RNF185: variants seen among roughly 807,000 people sequenced by gnomAD.
The protein encoded by RNF185 is E3 ubiquitin-protein ligase RNF185.
A neutral mutation model predicts 24.9 loss-of-function variants in RNF185; 13 were observed. The ratio of observed to expected loss-of-function variants is 0.52; its 90% CI spans 0.34 to 0.83. The LOEUF is 0.83. Ranked by LOEUF, RNF185 falls within the 40% of genes least tolerant of loss-of-function variation. The pLI, the probability that RNF185 is intolerant of heterozygous loss-of-function variation, is 0.01. For missense variants in RNF185, 184 were observed against 244.7 expected (o/e 0.75, Z 1.65); for synonymous variants, 79 against 90.3 (o/e 0.88, Z 0.71).
intron 1 of RNF185, among the ~76,000 whole-genome samples, chr22:31,161,850 C>G (rs1225132817): frequency 6.6e-6 from 1 of 150,762 alleles, no homozygotes; most frequent in Non-Finnish European, 1.5e-5. Flanking sequence ...CTTGACTTGC[C>G]AGTTCACACA....
At chr22:31,185,760 C>T (rs200858292) in intron 1 of RNF185, among the ~76,000 whole-genome samples, 1 of 152,288 alleles carries the variant, frequency 6.6e-6, no homozygotes, top group Admixed American at 6.5e-5. Flanking sequence ...TCCAGAATTC[C>T]TGGGTATCCC....
intron 1 of RNF185, among the ~76,000 whole-genome samples, chr22:31,167,867 C>T (rs1924028723): frequency 6.6e-6 from 1 of 152,148 alleles, no homozygotes; most frequent in South Asian, 2.1e-4. Flanking sequence ...CCTGCCTTGG[C>T]TTCCCAGAGT....
chr22:31,168,560 C>G (rs1924080328), intron 1 of RNF185, among the ~76,000 whole-genome samples: 1 of 152,128 alleles, frequency 6.6e-6, no homozygotes, highest in Admixed American at 6.5e-5. Context: ...ACCTTGCTTT[C>G]AATTATTTGG....
chr22:31,186,201 CAGA>C (rs1337134418), intron 1 of RNF185, among the ~76,000 whole-genome samples: 2 of 152,076 alleles, frequency 1.3e-5, no homozygotes, highest in African/African-American at 4.8e-5. Flanking sequence ...TCCAATGTGG[CAGA>C]AGGAGGATTG....
At chr22:31,201,860 A>G (rs1160785276) in intron 6 of RNF185, among the ~76,000 whole-genome samples, 1 of 152,126 alleles carries the variant, frequency 6.6e-6, no homozygotes, top group Non-Finnish European at 1.5e-5. Flanking sequence ...CATCACAACC[A>G]CCCTATGGAA....
At chr22:31,185,613 C>T (rs998978598) in intron 1 of RNF185, among the ~76,000 whole-genome samples, 1 of 152,176 alleles carries the variant, frequency 6.6e-6, no homozygotes, top group African/African-American at 2.4e-5. Flanking sequence ...CCCAGAACCA[C>T]CTAGCAAGCT....
At chr22:31,181,126 T>A (rs2048032358) in intron 1 of RNF185, among the ~76,000 whole-genome samples, 1 of 152,126 alleles carries the variant, frequency 6.6e-6, no homozygotes, top group South Asian at 2.1e-4. Flanking sequence ...GGCAGGAGAA[T>A]TGCTTGAGCC....
chr22:31,180,915 CTGTGTGTGTGTGTGTGTG>C (rs567264606), intron 1 of RNF185, among the ~76,000 whole-genome samples: 1 of 96,858 alleles, frequency 1.0e-5, no homozygotes, highest in Non-Finnish European at 1.9e-5. Flanking sequence ...CTCTCTCTCT[CTGTGTGTGTGTGTGTGTG>C]TGTGTGTGTG....
chr22:31,198,394 C>CTT (rs11298437), intron 5 of RNF185, among the ~76,000 whole-genome samples: 114 of 96,924 alleles, frequency 1.2e-3, no homozygotes, highest in Non-Finnish European at 1.4e-3. Flanking sequence ...TCTTTGCACA[C>CTT]TTTTTTTTTT....
intron 1 of RNF185, among the ~76,000 whole-genome samples, chr22:31,166,554 A>G (rs1923931055): frequency 8.9e-6 from 1 of 112,784 alleles, no homozygotes; most frequent in South Asian, 3.1e-4. Context: ...CTCTTCTATA[A>G]GCATTTCTTC....
rs116416973 is a variant in RNF185, at chr22:31,195,782, C to T, written c.308+201C>T. Among the ~76,000 whole-genome samples, 757 of 152,340 alleles carry T rather than the reference C, an allele frequency of 5.0e-3. 4 individuals carry two copies. Among genetic ancestry groups the T allele is most frequent in the African/African-American group, 0.017 (704 of 41,566 alleles). On this transcript the variant is annotated intron_variant, in intron 4 of 6. Transcript: ENST00000326132. The stretch of plus-strand genomic sequence containing the variant: ...CCACTTGCTAGGACCCAGCAGTGAA[C>T]AGACATCACAATCACAAGTGTGCAG...
At chr22:31,181,689 T>G (rs2048038243) in intron 1 of RNF185, among the ~76,000 whole-genome samples, 1 of 151,878 alleles carries the variant, frequency 6.6e-6, no homozygotes, top group Non-Finnish European at 1.5e-5. Flanking sequence ...AAATGATGAG[T>G]TCATGTCCTT....
intron 1 of RNF185, among the ~76,000 whole-genome samples, chr22:31,176,366 C>A (rs1418346099): frequency 6.6e-6 from 1 of 151,620 alleles, no homozygotes; most frequent in Non-Finnish European, 1.5e-5. Context: ...GCTCCAAATC[C>A]TGGGCTCAAG....
chr22:31,184,593 G>A (rs917492018), intron 1 of RNF185, among the ~76,000 whole-genome samples: 1 of 152,282 alleles, frequency 6.6e-6, no homozygotes, highest in East Asian at 1.9e-4. Flanking sequence ...GTAGCGATCC[G>A]AGATCACGCC....
chr22:31,165,646 CCCAGCCACT>C (rs1476653925), intron 1 of RNF185, among the ~76,000 whole-genome samples: 2 of 152,200 alleles, frequency 1.3e-5, no homozygotes, highest in Non-Finnish European at 2.9e-5. Flanking sequence ...TTGACTCAAA[CCCAGCCACT>C]TCTGGCCATG....
chr22:31,163,949 C>T (rs1458545443), intron 1 of RNF185, among the ~76,000 whole-genome samples: 5 of 151,998 alleles, frequency 3.3e-5, no homozygotes, highest in African/African-American at 7.2e-5. Context: ...GCTGGGATTA[C>T]AGGCTTGAGC....
intron 1 of RNF185, among the ~76,000 whole-genome samples, chr22:31,186,801 C>G (rs1470201598): frequency 6.6e-6 from 1 of 152,182 alleles, no homozygotes; most frequent in African/African-American, 2.4e-5. Context: ...CATCTGGAGG[C>G]TGCTCTGTAT....
intron 5 of RNF185, among the ~76,000 whole-genome samples, chr22:31,197,724 T>G (rs73158522): frequency 0.089 from 13,358 of 150,376 alleles, 876 homozygotes; most frequent in East Asian, 0.4. Context: ...GTTTTTTGAG[T>G]TTTTTTTTGT....
At chr22:31,164,550 T>G (rs992607983) in intron 1 of RNF185, among the ~76,000 whole-genome samples, 1 of 151,296 alleles carries the variant, frequency 6.6e-6, no homozygotes, top group African/African-American at 2.4e-5. Context: ...GTCTCCCTGG[T>G]CTCATCAGAT....
Sources: gnomAD v4.1 joint callset for allele counts (sites outside exome capture counted in the v4.1 genomes callset) on GRCh38, gnomAD v4.1.1 for gene constraint, MANE v1.5 for transcripts, NCBI Gene and HGNC (gene_info 2026-07-23, HGNC 2026-07-21) for gene names.